SDK1: variants seen among roughly 807,000 people sequenced by gnomAD.
The protein encoded by SDK1 is protein sidekick-1.
SDK1 carries 157 observed loss-of-function variants against 245.5 expected under a neutral mutation model. The observed-to-expected ratio is 0.64, with a 90% CI of 0.56 to 0.73. The LOEUF is 0.73. Among genes scored for constraint, SDK1 ranks in the 30% least tolerant of loss-of-function variants. The pLI is 0.00. For missense variants in SDK1, 3,583 were observed against 3,002.3 expected (o/e 1.19, Z -4.52); for synonymous variants, 1,647 against 1,278.5 (o/e 1.29, Z -6.15).
intron 1 of SDK1, among the ~76,000 whole-genome samples, chr7:3,347,263 A>G (rs146026639): frequency 6.6e-6 from 1 of 152,112 alleles, no homozygotes; most frequent in East Asian, 1.9e-4. Context: ...GTACTCTGAC[A>G]ACACTTGGCA....
rs188390022 is a variant in SDK1, at chr7:3,511,125, G to C, written c.299-107955G>C. 3.9e-5 allele frequency among the ~76,000 whole-genome samples: 6 copies of C among 152,254 alleles called. No individual in the cohort carries two copies. In the East Asian group the frequency reaches 1.2e-3, roughly 29 times the overall value. ...AGAGCCAGCAGGATTAGGATTCCAC[G>C]GTCTGAGAAAGGAACCAAGGACGAC... On this transcript the variant is annotated intron_variant, in intron 1 of 44. Coordinates refer to ENST00000404826, the MANE Select transcript of SDK1 (RefSeq NM_152744.4).
rs6964533 is a variant in SDK1 at position 4,052,202 on chromosome 7, T to C, written c.2911+372T>C. Among the ~76,000 whole-genome samples the C allele has an allele frequency of 9.6e-3, 1,151 of 120,518 alleles. 20 individuals carry two copies. The highest frequency in any genetic ancestry group is 0.032 in the African/African-American group (1,082 of 33,898). 79.1% of individuals were successfully genotyped at this position (120,518 alleles called of 152,430 possible). Reference sequence around the variant, plus strand: ...CCCCGACGTCCCCCAGCCCATTCTTTCCTGACCCTCGCTCCCAGGGTCCTT... The same window carrying C: ...CCCCGACGTCCCCCAGCCCATTCTTCCCTGACCCTCGCTCCCAGGGTCCTT... On this transcript the variant is annotated intron_variant, in intron 19 of 44. Transcript: ENST00000404826.
intron 1 of SDK1, among the ~76,000 whole-genome samples, chr7:3,611,238 C>G (rs1781578074): frequency 6.6e-6 from 1 of 152,062 alleles, no homozygotes; most frequent in South Asian, 2.1e-4. Flanking sequence ...TTATGATAAG[C>G]TAAAGAAACA....
chr7:3,491,325 C>G (rs1583941535), intron 1 of SDK1, among the ~76,000 whole-genome samples: 1 of 152,166 alleles, frequency 6.6e-6, no homozygotes, highest in South Asian at 2.1e-4. Flanking sequence ...TCTTCTCCAA[C>G]CATTTACATC....
chr7:3,995,922 G>A (rs565191279), intron 14 of SDK1, among the ~76,000 whole-genome samples: 6 of 151,502 alleles, frequency 4.0e-5, no homozygotes, highest in African/African-American at 9.7e-5. Context: ...TGACTTTTAC[G>A]TAGTTAAATC....
intron 18 of SDK1, among the ~76,000 whole-genome samples, chr7:4,051,147 AATATATACATATAG>A (rs1789440787): frequency 7.1e-6 from 1 of 140,032 alleles, no homozygotes; most frequent in Non-Finnish European, 1.5e-5. Context: ...ATATATGTAT[AATATATACATATAG>A]TATATATGTA....
At chr7:4,180,303 T>TGGCTCCAGCTCTATGCCCAGTGCCC (rs1562398599) in intron 35 of SDK1, among the ~76,000 whole-genome samples, 7 of 128,184 alleles carry the variant, frequency 5.5e-5, no homozygotes, top group Non-Finnish European at 6.4e-5. Flanking sequence ...GCCCTGTGCC[T>TGGCTCCAGCTCTATGCCCAGTGCCC]GGCTCCAGCT....
intron 4 of SDK1, among the ~76,000 whole-genome samples, chr7:3,646,410 C>G (rs1782837299): frequency 1.3e-5 from 2 of 151,948 alleles, no homozygotes; most frequent in South Asian, 2.1e-4. Flanking sequence ...TTAACAGGAG[C>G]TATTATTTAT....
chr7:4,198,148 G>A (rs1420951380), intron 35 of SDK1, among the ~76,000 whole-genome samples: 1 of 152,212 alleles, frequency 6.6e-6, no homozygotes, highest in Non-Finnish European at 1.5e-5. Context: ...GGCCTCTCAT[G>A]TCACGTCACC....
intron 1 of SDK1, among the ~76,000 whole-genome samples, chr7:3,324,913 A>G (rs1303819130): frequency 2.0e-5 from 3 of 152,160 alleles, no homozygotes. Context: ...ACAGAAGGTA[A>G]ACTTTCCATG....
At chr7:3,425,513 A>G (rs571018398) in intron 1 of SDK1, among the ~76,000 whole-genome samples, 2 of 152,340 alleles carry the variant, frequency 1.3e-5, no homozygotes, top group Admixed American at 1.3e-4. Flanking sequence ...TCTGTTAGAT[A>G]CTTTAGAATT....
intron 4 of SDK1, among the ~76,000 whole-genome samples, chr7:3,676,576 T>C (rs533067897): frequency 1.1e-4 from 16 of 152,182 alleles, no homozygotes; most frequent in Middle Eastern, 3.4e-3. Context: ...CTGCCCACCT[T>C]GGCCTCCCAA....
rs10240150 is a variant in SDK1, at chr7:3,533,128, G to A, written c.299-85952G>A. On this transcript the variant is annotated intron_variant, in intron 1 of 44. Coordinates refer to ENST00000404826, the MANE Select transcript of SDK1 (RefSeq NM_152744.4). ...AGCCAACCTAAACCATGTGATTCAG[G>A]TGGAGTTTGGTACAGTGCAAACCTT... is the stretch of plus-strand genomic sequence containing the variant. Among the ~76,000 whole-genome samples the A allele has an allele frequency of 2.2e-3, 341 of 152,298 alleles. 4 individuals are homozygous for A. The highest frequency in any genetic ancestry group is 7.9e-3 in the African/African-American group (328 of 41,564).
chr7:4,082,150 G>A (rs1425683203), intron 22 of SDK1, among the ~76,000 whole-genome samples: 1 of 152,136 alleles, frequency 6.6e-6, no homozygotes, highest in African/African-American at 2.4e-5. Flanking sequence ...CTGAGGAGGG[G>A]GCGTCTGGAA....
intron 1 of SDK1, among the ~76,000 whole-genome samples, chr7:3,415,864 A>G (rs1182960776): frequency 6.6e-6 from 1 of 152,138 alleles, no homozygotes; most frequent in African/African-American, 2.4e-5. Context: ...AACTGAATGA[A>G]TTAAATGATT....
chr7:3,335,522 G>A (rs181026610), intron 1 of SDK1, among the ~76,000 whole-genome samples: 2 of 151,706 alleles, frequency 1.3e-5, no homozygotes, highest in African/African-American at 4.8e-5. Flanking sequence ...CATAGTAGGT[G>A]CTCAAATATT....
At position 3,576,484 on chromosome 7, in the gene SDK1, A is replaced by G. The variant is rs189596214; in HGVS notation, c.299-42596A>G. ...TCCCCGTTTGCAGTGGTCCAGTTAG[A>G]GATGTCTTGCTCCTTGCTATGTTTG... On this transcript the variant is annotated intron_variant, in intron 1 of 44. Coordinates refer to ENST00000404826, the MANE Select transcript of SDK1 (RefSeq NM_152744.4). Among the ~76,000 whole-genome samples the G allele has an allele frequency of 1.2e-4, 18 of 152,196 alleles. No individual in the cohort carries two copies. In the East Asian group the frequency reaches 2.9e-3, roughly 24 times the overall value.
At chr7:4,239,622 C>A (rs909337059) in intron 42 of SDK1, among the ~76,000 whole-genome samples, 11 of 152,156 alleles carry the variant, frequency 7.2e-5, no homozygotes, top group East Asian at 3.9e-4. Flanking sequence ...CCTCAGCCTC[C>A]CAAAGTGCTG....
chr7:4,189,918 A>T (rs1490247554), intron 35 of SDK1, among the ~76,000 whole-genome samples: 1 of 152,182 alleles, frequency 6.6e-6, no homozygotes, highest in East Asian at 1.9e-4. Flanking sequence ...GAATGAAAAA[A>T]TTGTCGTACA....
Sources: gnomAD v4.1 joint callset for allele counts (sites outside exome capture counted in the v4.1 genomes callset) on GRCh38, gnomAD v4.1.1 for gene constraint, MANE v1.5 for transcripts, NCBI Gene and HGNC (gene_info 2026-07-23, HGNC 2026-07-21) for gene names.